OPHN1: variants seen among roughly 807,000 people sequenced by gnomAD.
The protein encoded by OPHN1 is oligophrenin 1.
OPHN1 carries 11 observed loss-of-function variants against 60.7 expected under a neutral mutation model. The observed-to-expected ratio is 0.18, with a 90% confidence interval of 0.11 to 0.30. The LOEUF is 0.30. Ranked by LOEUF, OPHN1 falls within the 10% of genes least tolerant of loss-of-function variation. OPHN1 has a pLI of 1.00. For missense variants in OPHN1, 449 were observed against 611.0 expected, an observed-to-expected ratio of 0.73 and a Z score of 2.80; for synonymous variants, 226 against 222.6, an observed-to-expected ratio of 1.02 and a Z score of -0.14.
intron 14 of OPHN1, 60 bp from the exon 15 acceptor site, chrX:68,193,053 T>C: frequency 1.1e-6 from 1 of 926,199 alleles, no homozygotes; most frequent in Non-Finnish European, 1.6e-6. Context: ...CATCTCCCCT[T>C]GGTACACTAG....
chrX:68,255,535 T>C (rs2077858217), intron 5 of OPHN1, among the ~76,000 whole-genome samples: 1 of 111,369 alleles, frequency 9.0e-6, no homozygotes, highest in Admixed American at 9.6e-5. Context: ...ATCTAATCAG[T>C]CAAAGGCCTC....
intron 15 of OPHN1, among the ~76,000 whole-genome samples, chrX:68,153,352 G>T: frequency 8.9e-6 from 1 of 111,734 alleles, no homozygotes; most frequent in East Asian, 2.8e-4. Context: ...CCAAACCTCA[G>T]AAAGCCATAC....
intron 21 of OPHN1, among the ~76,000 whole-genome samples, chrX:68,055,974 G>T (rs1298755702): frequency 9.0e-6 from 1 of 110,849 alleles, no homozygotes; most frequent in African/African-American, 3.3e-5. Context: ...GAGCGGGGAG[G>T]GATAGCATTA....
chrX:68,203,718 G>A (rs1350289934), intron 10 of OPHN1, among the ~76,000 whole-genome samples: 2 of 111,892 alleles, frequency 1.8e-5, no homozygotes, highest in Non-Finnish European at 3.8e-5. Context: ...CAATGCAAAA[G>A]TACTCTTATT....
intron 2 of OPHN1, among the ~76,000 whole-genome samples, chrX:68,391,273 A>G (rs750031382): frequency 8.9e-6 from 1 of 111,810 alleles, no homozygotes; most frequent in African/African-American, 3.2e-5. Context: ...GGAAATATAT[A>G]AAAAATATTA....
chrX:68,179,129 G>A (rs892402793), intron 15 of OPHN1, among the ~76,000 whole-genome samples: 1 of 111,532 alleles, frequency 9.0e-6, no homozygotes, highest in African/African-American at 3.2e-5. Context: ...TTCTTCAAAG[G>A]GAATTTTTCT....
chrX:68,226,769 CAA>C (rs2077695745), intron 6 of OPHN1, among the ~76,000 whole-genome samples: 1 of 111,388 alleles, frequency 9.0e-6, no homozygotes, highest in Non-Finnish European at 1.9e-5. Context: ...CCAGCCACTG[CAA>C]AGACATGCCA....
chrX:68,242,728 A>G (rs1246173808), intron 5 of OPHN1, among the ~76,000 whole-genome samples: 1 of 112,232 alleles, frequency 8.9e-6, no homozygotes, highest in Non-Finnish European at 1.9e-5. Flanking sequence ...ATGGAATATT[A>G]TTAACCCATA....
intron 2 of OPHN1, among the ~76,000 whole-genome samples, chrX:68,320,005 T>C (rs1286382285): frequency 9.1e-6 from 1 of 110,439 alleles, no homozygotes; most frequent in African/African-American, 3.3e-5. Flanking sequence ...GGATGGCAAA[T>C]AAGCATAAGA....
intron 2 of OPHN1, among the ~76,000 whole-genome samples, chrX:68,416,997 G>C (rs140217055): frequency 8.9e-6 from 1 of 112,368 alleles, no homozygotes; most frequent in Non-Finnish European, 1.9e-5. Flanking sequence ...GACAGGATTT[G>C]GCCATGAGCC....
chrX:68,238,408 CTT>C (rs60720599), intron 5 of OPHN1, among the ~76,000 whole-genome samples: 1 of 101,485 alleles, frequency 9.9e-6, no homozygotes, highest in African/African-American at 3.5e-5. Context: ...CTTCTTTTGT[CTT>C]TTTTTTTTTA....
intron 15 of OPHN1, among the ~76,000 whole-genome samples, chrX:68,185,736 TTG>T (rs1047022219): frequency 9.1e-6 from 1 of 109,799 alleles, no homozygotes; most frequent in African/African-American, 3.3e-5. Flanking sequence ...TGAATAAATG[TTG>T]TGTGAATCAG....
chrX:68,174,004 G>A (rs985959434), intron 15 of OPHN1, among the ~76,000 whole-genome samples: 1 of 112,025 alleles, frequency 8.9e-6, no homozygotes, highest in African/African-American at 3.2e-5. Context: ...CTGAGTGCCG[G>A]TTACATGGGT....
At chrX:68,152,527 C>T (rs370548263) in intron 15 of OPHN1, among the ~76,000 whole-genome samples, 3 of 108,389 alleles carry the variant, frequency 2.8e-5, no homozygotes, top group Non-Finnish European at 3.8e-5. Flanking sequence ...ACTGCAGCCT[C>T]GACCTCCCCA....
intron 2 of OPHN1, among the ~76,000 whole-genome samples, chrX:68,314,215 T>C (rs1956870596): frequency 9.0e-6 from 1 of 111,689 alleles, no homozygotes; most frequent in Admixed American, 9.5e-5. Flanking sequence ...GGAGATTGAA[T>C]CAGTAATCAA....
intron 5 of OPHN1, among the ~76,000 whole-genome samples, chrX:68,236,128 A>G (rs1233871060): frequency 9.0e-6 from 1 of 111,351 alleles, no homozygotes; most frequent in Admixed American, 9.6e-5. Flanking sequence ...AATAACATTC[A>G]TGGGGCTTAT....
At chrX:68,261,080 T>C (rs1331721126) in intron 5 of OPHN1, among the ~76,000 whole-genome samples, 1 of 111,536 alleles carries the variant, frequency 9.0e-6, no homozygotes, top group Non-Finnish European at 1.9e-5. Context: ...CTGCCATCTC[T>C]TGGGTGAGAA....
chrX:68,326,973 C>T (rs1162416134), intron 2 of OPHN1, among the ~76,000 whole-genome samples: 4 of 34,829 alleles, frequency 1.1e-4, no homozygotes, highest in Non-Finnish European at 1.6e-4. Context: ...CCCGGCCGCC[C>T]CTACTGGGAA....
intron 6 of OPHN1, among the ~76,000 whole-genome samples, chrX:68,233,642 G>T (rs2147522849): frequency 9.0e-6 from 1 of 111,031 alleles, no homozygotes; most frequent in East Asian, 2.8e-4. Flanking sequence ...TCCTAAAATA[G>T]AATTCTACTT....
Sources: allele counts gnomAD v4.1 joint callset (sites outside exome capture counted in the v4.1 genomes callset), GRCh38; gene constraint gnomAD v4.1.1; transcripts MANE v1.5; gene names NCBI Gene and HGNC (gene_info 2026-07-23, HGNC 2026-07-21).